Variants in ATP8B4 observed in about 807,000 individuals in gnomAD.
ATP8B4 encodes probable phospholipid-transporting ATPase IM.
In ATP8B4, 133 loss-of-function variants were observed where a neutral mutation model predicts 145.6. That is an observed-to-expected ratio of 0.91 (90% CI 0.79 to 1.05). The LOEUF (loss-of-function observed/expected upper bound fraction) is 1.05, where lower values mean the gene tolerates loss of function less well. ATP8B4 is among the 50% of genes least tolerant of loss of function. The pLI, the probability that ATP8B4 is intolerant of heterozygous loss-of-function variation, is 0.00. For missense variants in ATP8B4, 1,458 were observed against 1,425.2 expected (o/e 1.02, Z -0.37); for synonymous variants, 507 against 492.9 (o/e 1.03, Z -0.38).
chr15:49,933,315 A>C (rs2041431414), intron 15 of ATP8B4, among the ~76,000 whole-genome samples: 1 of 152,128 alleles, frequency 6.6e-6, no homozygotes. Flanking sequence ...AAAGAACCAA[A>C]GACCTTGTAG....
At chr15:50,150,352 C>A (rs1214296723) in intron 1 of ATP8B4, among the ~76,000 whole-genome samples, 1 of 152,186 alleles carries the variant, frequency 6.6e-6, no homozygotes, top group Non-Finnish European at 1.5e-5. Flanking sequence ...ACCCCAGATC[C>A]ATTTCTCAGG....
At chr15:49,955,679 T>C (rs1463499557) in intron 14 of ATP8B4, among the ~76,000 whole-genome samples, 2 of 152,186 alleles carry the variant, frequency 1.3e-5, no homozygotes, top group Non-Finnish European at 2.9e-5. Context: ...TACAATGGAA[T>C]ATTATTCAGC....
chr15:50,051,443 G>A (rs1043465127), intron 3 of ATP8B4, among the ~76,000 whole-genome samples: 7 of 152,054 alleles, frequency 4.6e-5, no homozygotes, highest in African/African-American at 1.7e-4. Flanking sequence ...TACAAGTTCT[G>A]GGAAAATAAG....
chr15:49,866,667 T>C (rs1273137167), intron 25 of ATP8B4, among the ~76,000 whole-genome samples, 183 bp from the exon 26 acceptor site: 3 of 152,228 alleles, frequency 2.0e-5, no homozygotes, highest in Non-Finnish European at 2.9e-5. Context: ...TTCATATTTC[T>C]GGTAGAAAAT....
intron 3 of ATP8B4, among the ~76,000 whole-genome samples, chr15:50,055,913 T>C (rs892853378): frequency 6.6e-6 from 1 of 152,184 alleles, no homozygotes; most frequent in African/African-American, 2.4e-5. Flanking sequence ...ACCTCACTGA[T>C]ACCAGGAAGA....
chr15:49,884,158 T>C (rs2035858375), intron 23 of ATP8B4, among the ~76,000 whole-genome samples: 1 of 152,158 alleles, frequency 6.6e-6, no homozygotes, highest in African/African-American at 2.4e-5. Flanking sequence ...ATTCCTAAGA[T>C]AATAAATATT....
intron 1 of ATP8B4, among the ~76,000 whole-genome samples, chr15:50,115,034 C>T (rs550531184): frequency 4.9e-4 from 74 of 152,256 alleles, no homozygotes; most frequent in Middle Eastern, 6.8e-3. Flanking sequence ...AAAGACCATT[C>T]GAATCGTGAG....
intron 1 of ATP8B4, among the ~76,000 whole-genome samples, chr15:50,170,849 T>C (rs971533717): frequency 6.6e-6 from 1 of 152,004 alleles, no homozygotes; most frequent in Non-Finnish European, 1.5e-5. Flanking sequence ...AAACTTACAG[T>C]AATGGGGTGG....
chr15:50,016,308 C>A (rs1427797650), intron 6 of ATP8B4, among the ~76,000 whole-genome samples: 2 of 152,154 alleles, frequency 1.3e-5, no homozygotes, highest in African/African-American at 2.4e-5. Context: ...TATGAAGACA[C>A]AGGAATTCAG....
chr15:49,906,586 A>T (rs918865638), intron 20 of ATP8B4, among the ~76,000 whole-genome samples: 1 of 152,222 alleles, frequency 6.6e-6, no homozygotes, highest in East Asian at 1.9e-4. Context: ...GGAGAAAAAT[A>T]CAACGAAACT....
intron 1 of ATP8B4, among the ~76,000 whole-genome samples, chr15:50,140,692 A>G (rs2044194655): frequency 6.6e-6 from 1 of 152,204 alleles, no homozygotes; most frequent in South Asian, 2.1e-4. Flanking sequence ...TTCTCTGGGG[A>G]AAACTACTGA....
At chr15:50,024,196 G>A (rs1480113759) in intron 6 of ATP8B4, among the ~76,000 whole-genome samples, 1 of 152,120 alleles carries the variant, frequency 6.6e-6, no homozygotes, top group African/African-American at 2.4e-5. Flanking sequence ...GTTAAGTCTG[G>A]ATTTGTCCAC....
Position 49,985,501 on chromosome 15 carries a change from C to T in ATP8B4, c.748+1890G>A, listed in dbSNP as rs538835829. On this transcript the variant is annotated intron_variant, in intron 10 of 27. Transcript: ENST00000284509. The stretch of plus-strand genomic sequence containing the variant: ...TCCATTTGTTCATCTCCGACACGGA[C>T]GAAGCCAACCACTAATTCTTCTGTT... 4.6e-5 allele frequency among the ~76,000 whole-genome samples: 7 copies of T among 152,276 alleles called. No homozygotes were observed. The East Asian group carries it at 9.7e-4, about 21-fold the overall frequency.
intron 2 of ATP8B4, among the ~76,000 whole-genome samples, chr15:50,095,996 TATA>T (rs916625485): frequency 6.6e-6 from 1 of 152,206 alleles, no homozygotes; most frequent in African/African-American, 2.4e-5. Context: ...GGAAATAACG[TATA>T]ATGTTTAGGA....
At position 49,989,248 on chromosome 15, in the gene ATP8B4, C is replaced by T. The variant is rs79201337; in HGVS notation, c.590-1699G>A. Among the ~76,000 whole-genome samples the T allele has an allele frequency of 2.0e-3, 306 of 152,248 alleles. 2 individuals are homozygous for T. Among genetic ancestry groups the T allele is most frequent in the African/African-American group, 7.1e-3 (296 of 41,538 alleles). On this transcript the variant is annotated intron_variant, in intron 9 of 27. Transcript: ENST00000284509. The stretch of plus-strand genomic sequence containing the variant: ...GTAGATGAGGAGACATTTTCTAAAT[C>T]CCTGAATTCAGTATCTTTTTTTCTT...
chr15:50,149,473 C>G (rs4775861), intron 1 of ATP8B4, among the ~76,000 whole-genome samples: 33,820 of 151,900 alleles, frequency 0.22, 4,321 homozygotes, highest in East Asian at 0.49. Context: ...TGCACTAAGC[C>G]TTGAAGCAGA....
intron 3 of ATP8B4, among the ~76,000 whole-genome samples, chr15:50,073,017 TATACACACACACACACACACAC>T (rs2053941437): frequency 3.2e-5 from 1 of 31,638 alleles, no homozygotes; most frequent in Non-Finnish European, 5.7e-5. Flanking sequence ...TATATATATA[TATACACACACACACACACACAC>T]ACACACACAC....
chr15:50,074,043 T>A (rs942278623), intron 3 of ATP8B4, 84 bp downstream of exon 3: 32 of 1,235,510 alleles, frequency 2.6e-5, no homozygotes, highest in Non-Finnish European at 2.2e-5. Context: ...TTTGGTGAAG[T>A]CATAAAGTTC....
At chr15:50,171,712 C>A (rs958879479) in intron 1 of ATP8B4, among the ~76,000 whole-genome samples, 1 of 151,398 alleles carries the variant, frequency 6.6e-6, no homozygotes, top group Non-Finnish European at 1.5e-5. Context: ...AAGATCAGAG[C>A]AGAACTAAAT....
Sources: gnomAD v4.1 joint callset for allele counts (sites outside exome capture counted in the v4.1 genomes callset) on GRCh38, gnomAD v4.1.1 for gene constraint, MANE v1.5 for transcripts, NCBI Gene and HGNC (gene_info 2026-07-23, HGNC 2026-07-21) for gene names.